The following RARB variants were observed in gnomAD, a reference collection of about 807,000 sequenced individuals.
RARB encodes HBV-activated protein.
A neutral mutation model predicts 51.9 loss-of-function variants in RARB; 17 were observed. The observed-to-expected ratio is 0.33, with a 90% CI of 0.22 to 0.49. RARB has a LOEUF of 0.49. RARB is among the 20% of genes least tolerant of loss of function. The pLI is 0.99. For missense variants in RARB, 369 were observed against 550.8 expected (o/e 0.67, Z 3.30); for synonymous variants, 215 against 195.4 (o/e 1.10, Z -0.84).
chr3:25,222,109 A>G (rs953758782), intron 5 of RARB, among the ~76,000 whole-genome samples: 8 of 152,184 alleles, frequency 5.3e-5, no homozygotes, highest in Non-Finnish European at 1.2e-4. Context: ...CTAATGATGC[A>G]TTAGTGTAAT....
At chr3:24,947,896 A>G (rs9816233) in intron 2 of RARB, among the ~76,000 whole-genome samples, 51,019 of 151,986 alleles carry the variant, frequency 0.34, 10,015 homozygotes, top group African/African-American at 0.55. Flanking sequence ...TCAGTAAGGT[A>G]GTTAAGAATA....
intron 2 of RARB, among the ~76,000 whole-genome samples, chr3:24,891,989 T>C (rs1703389020): frequency 6.6e-6 from 1 of 152,074 alleles, no homozygotes; most frequent in Admixed American, 6.6e-5. Context: ...CATGTGAGAC[T>C]AGAGGACTGC....
intron 5 of RARB, among the ~76,000 whole-genome samples, chr3:25,331,724 A>G (rs1025322968): frequency 6.6e-6 from 1 of 152,200 alleles, no homozygotes; most frequent in Non-Finnish European, 1.5e-5. Context: ...CAAAAAATCA[A>G]TGAATCCAGG....
chr3:25,077,008 G>T (rs1011381856), intron 3 of RARB, among the ~76,000 whole-genome samples: 1 of 152,154 alleles, frequency 6.6e-6, no homozygotes, highest in Non-Finnish European at 1.5e-5. Context: ...TCAGATTTGT[G>T]TGGAAAAGGA....
At chr3:24,929,050 C>G (rs2125392192) in intron 2 of RARB, among the ~76,000 whole-genome samples, 1 of 152,028 alleles carries the variant, frequency 6.6e-6, no homozygotes, top group Admixed American at 6.6e-5. Flanking sequence ...TTTTAAAAAG[C>G]TTTAGAAAAG....
intron 3 of RARB, among the ~76,000 whole-genome samples, chr3:25,129,843 G>A (rs1352453430): frequency 1.3e-5 from 2 of 152,104 alleles, no homozygotes; most frequent in East Asian, 1.9e-4. Flanking sequence ...GGTGCAGAGT[G>A]ATGGAGGAAG....
intron 3 of RARB, among the ~76,000 whole-genome samples, chr3:25,067,060 A>C (rs1032403460): frequency 2.0e-5 from 3 of 152,218 alleles, no homozygotes; most frequent in Non-Finnish European, 4.4e-5. Flanking sequence ...TGAGAAATGC[A>C]TAGATCCTAA....
chr3:25,109,458 A>C (rs750391758), intron 3 of RARB, among the ~76,000 whole-genome samples: 8 of 152,208 alleles, frequency 5.3e-5, no homozygotes, highest in Non-Finnish European at 8.8e-5. Flanking sequence ...GTGATTAAAT[A>C]ATTTGTACAA....
At chr3:25,048,097 C>A (rs978439433) in intron 2 of RARB, among the ~76,000 whole-genome samples, 8 of 152,204 alleles carry the variant, frequency 5.3e-5, no homozygotes, top group Non-Finnish European at 1.2e-4. Flanking sequence ...TCCAGCCATG[C>A]TGAACTGTGA....
intron 2 of RARB, among the ~76,000 whole-genome samples, chr3:25,039,568 G>A (rs1339347358): frequency 2.6e-5 from 4 of 152,168 alleles, no homozygotes; most frequent in East Asian, 3.9e-4. Flanking sequence ...GGGCATAACC[G>A]ATCACACTGT....
chr3:25,214,947 A>C (rs1351862594), intron 5 of RARB, among the ~76,000 whole-genome samples: 2 of 152,230 alleles, frequency 1.3e-5, no homozygotes, highest in Non-Finnish European at 2.9e-5. Context: ...CATGTGAACC[A>C]TACACAATAG....
intron 5 of RARB, among the ~76,000 whole-genome samples, chr3:25,380,580 T>C (rs1706595594): frequency 6.7e-6 from 1 of 149,380 alleles, no homozygotes; most frequent in South Asian, 2.2e-4. Flanking sequence ...AGTGAAACTT[T>C]TCTTGCTCAA....
intron 3 of RARB, among the ~76,000 whole-genome samples, chr3:25,566,097 C>T (rs1003078536): frequency 4.6e-5 from 7 of 152,218 alleles, no homozygotes; most frequent in Non-Finnish European, 8.8e-5. Context: ...GCTACCATCC[C>T]TAGGCCCCCG....
chr3:25,512,180 C>T (rs773568186), intron 3 of RARB, among the ~76,000 whole-genome samples: 13 of 152,156 alleles, frequency 8.5e-5, no homozygotes, highest in Non-Finnish European at 1.8e-4. Flanking sequence ...GTTACTGTTC[C>T]GGTATCTGTT....
At chr3:25,375,306 C>G (rs1227461260) in intron 5 of RARB, among the ~76,000 whole-genome samples, 1 of 152,166 alleles carries the variant, frequency 6.6e-6, no homozygotes, top group African/African-American at 2.4e-5. Flanking sequence ...GCTGAATTAC[C>G]TCATAATGAT....
At chr3:25,377,851 C>T (rs1706510321) in intron 5 of RARB, among the ~76,000 whole-genome samples, 1 of 152,104 alleles carries the variant, frequency 6.6e-6, no homozygotes, top group Non-Finnish European at 1.5e-5. Flanking sequence ...GAAAATGAGG[C>T]CCTCACATGG....
At chr3:25,202,627 A>T (rs369079114) in intron 5 of RARB, among the ~76,000 whole-genome samples, 1 of 152,130 alleles carries the variant, frequency 6.6e-6, no homozygotes, top group Admixed American at 6.5e-5. Context: ...AGATTCTGGT[A>T]TGTTGTGTCT....
chr3:25,473,250 G>GA (rs922939498), intron 2 of RARB, among the ~76,000 whole-genome samples: 1 of 151,648 alleles, frequency 6.6e-6, no homozygotes, highest in Non-Finnish European at 1.5e-5. Flanking sequence ...GTGTCATATG[G>GA]ATAAGCAACA....
intron 2 of RARB, among the ~76,000 whole-genome samples, chr3:24,988,532 C>A (rs1471158455): frequency 6.6e-6 from 1 of 152,074 alleles, no homozygotes; most frequent in Non-Finnish European, 1.5e-5. Context: ...GTAAACATAA[C>A]CCTAAAGTTG....
Sources: gnomAD v4.1 joint callset for allele counts (sites outside exome capture counted in the v4.1 genomes callset) on GRCh38, gnomAD v4.1.1 for gene constraint, MANE v1.5 for transcripts, NCBI Gene and HGNC (gene_info 2026-07-23, HGNC 2026-07-21) for gene names.